Variants in DNAH14 observed in about 807,000 individuals in gnomAD.
DNAH14 encodes the protein dynein axonemal heavy chain 14.
In DNAH14, 478 loss-of-function variants were observed where a neutral mutation model predicts 520.9. That is an observed-to-expected ratio of 0.92 (90% CI 0.85 to 0.99). The LOEUF (loss-of-function observed/expected upper bound fraction) is 0.99. Ranked by LOEUF, DNAH14 falls within the 50% of genes least tolerant of loss-of-function variation. The pLI is 0.00. For missense variants in DNAH14, 4,831 were observed against 5,234.5 expected (o/e 0.92, Z 2.38); for synonymous variants, 1,581 against 1,757.2 (o/e 0.90, Z 2.51).
chr1:224,959,286 T>C (rs2489352), intron 3 of DNAH14, among the ~76,000 whole-genome samples: 39,717 of 151,914 alleles, frequency 0.26, 8,087 homozygotes, highest in African/African-American at 0.56. Flanking sequence ...CTCCTCCTCA[T>C]TACCCCACAA....
In DNAH14 at chr1:225,152,722, G is replaced by A. The variant is rs2080622743; in HGVS notation, c.5035G>A (p.Asp1679Asn). 6.5e-7 allele frequency: 1 copy of A among 1,550,264 alleles called. No individual in the cohort carries two copies. Among genetic ancestry groups the A allele is most frequent in the Admixed American group, 2.0e-5 (1 of 50,802 alleles). The change falls in exon 33 of 86, where the codon GAT becomes AAT. Residue 1679 changes from aspartate (D) to asparagine (N), a missense_variant. Asp to Asn is a conservative substitution (Grantham distance 23, BLOSUM62 1). Coordinates refer to ENST00000682510, the MANE Select transcript of DNAH14 (RefSeq NM_001367479.1). The stretch of plus-strand genomic sequence containing the variant: ...ATACGGAGGTGGAGTAGAGCTCCCA[G>A]ATAACTTAAAATCTCTGTTTCGCCC... ...PRYGGGVELP[D>N]NLKSLFRPVA... is the part of the protein sequence containing the mutation.
chr1:225,002,761 G>T, intron 8 of DNAH14, 22 bp from the exon 9 acceptor site: 1 of 1,545,046 alleles, frequency 6.5e-7, no homozygotes, highest in South Asian at 1.2e-5. Flanking sequence ...AGATATATCT[G>T]TAGAAATTTT....
At position 225,381,493 on chromosome 1, in the gene DNAH14, G is replaced by T; in HGVS notation, c.12991G>T (p.Ala4331Ser). The change falls in exon 81 of 86, where the codon GCT becomes TCT. Residue 4331 changes from alanine (A) to serine (S), a missense_variant. Physicochemically the swap from Ala to Ser is moderately conservative, Grantham distance 99. Transcript: ENST00000682510. The part of the protein sequence containing the change: ...IHKSLKDLQL[A>S]IKGEIILTQE... ...TAAATCCTTAAAAGATCTTCAGCTT[G>T]CTATAAAAGGAGAGATCATCCTCAC... 1.3e-6 allele frequency: 2 copies of T among 1,549,552 alleles called. No homozygotes were observed. Among genetic ancestry groups the T allele is most frequent in the South Asian group, 1.2e-5 (1 of 83,462 alleles).
chr1:225,086,529 A>G (rs780779374), intron 21 of DNAH14, among the ~76,000 whole-genome samples: 34 of 152,092 alleles, frequency 2.2e-4, no homozygotes, highest in Non-Finnish European at 5.9e-5. Context: ...ATACACACAC[A>G]TATATATACA....
chr1:225,031,102 T>G (rs1385454529), intron 11 of DNAH14, among the ~76,000 whole-genome samples: 1 of 152,098 alleles, frequency 6.6e-6, no homozygotes, highest in Non-Finnish European at 1.5e-5. Flanking sequence ...ATTTTTGTTT[T>G]AAACTACCTA....
At chr1:225,085,221 G>A (rs1433110421) in intron 20 of DNAH14, among the ~76,000 whole-genome samples, 1 of 152,044 alleles carries the variant, frequency 6.6e-6, no homozygotes, top group Non-Finnish European at 1.5e-5. Flanking sequence ...GTTGGCATTA[G>A]GGCAGAGGAA....
At chr1:225,322,052 C>G (rs1017054388) in intron 61 of DNAH14, among the ~76,000 whole-genome samples, 1 of 147,958 alleles carries the variant, frequency 6.8e-6, no homozygotes, top group African/African-American at 2.5e-5. Context: ...TTTTAAATAA[C>G]TCTACAGTGA....
intron 79 of DNAH14, among the ~76,000 whole-genome samples, chr1:225,377,770 C>G (rs1342367955): frequency 6.6e-6 from 1 of 151,970 alleles, no homozygotes; most frequent in Non-Finnish European, 1.5e-5. Context: ...TATTTAAGTT[C>G]TAATTTTTCA....
At chr1:224,994,635 C>G (rs2063277010) in intron 8 of DNAH14, among the ~76,000 whole-genome samples, 1 of 151,992 alleles carries the variant, frequency 6.6e-6, no homozygotes, top group Admixed American at 6.6e-5. Context: ...TATTTAGTCA[C>G]TTTTTATTGA....
intron 82 of DNAH14, 105 bp downstream of exon 82, chr1:225,388,596 G>A: frequency 1.6e-6 from 1 of 631,560 alleles, no homozygotes; most frequent in Non-Finnish European, 2.7e-6. Flanking sequence ...TCACAGTAAT[G>A]TGTGAATTAA....
chr1:225,347,545 G>C lies in DNAH14; in HGVS notation c.11296+891G>C, dbSNP rs936542330. Among the ~76,000 whole-genome samples the C allele has an allele frequency of 2.0e-5, 3 of 152,280 alleles. No individual in the cohort carries two copies. In the South Asian group the frequency reaches 6.2e-4, roughly 32 times the overall value. The stretch of plus-strand genomic sequence containing the variant: ...GGGGCCTCCCAAGGGACTAGTTTTT[G>C]TCTTGCCTGACTCAGAATATTGATA... On this transcript the variant is annotated intron_variant, in intron 71 of 85. Transcript: ENST00000682510.
chr1:225,246,521 C>T (rs2092291086), intron 43 of DNAH14, among the ~76,000 whole-genome samples: 1 of 152,050 alleles, frequency 6.6e-6, no homozygotes, highest in African/African-American at 2.4e-5. Flanking sequence ...GGAACTTAAA[C>T]AAATTTACCA....
At chr1:225,296,182 C>T (rs1475863250) in intron 55 of DNAH14, among the ~76,000 whole-genome samples, 1 of 152,016 alleles carries the variant, frequency 6.6e-6, no homozygotes, top group Non-Finnish European at 1.5e-5. Context: ...TCTTGTTTTT[C>T]ATCCATTCAG....
Position 225,152,684 on chromosome 1 carries a change from T to G in DNAH14, c.5010-13T>G, listed in dbSNP as rs1183981365. On this transcript the variant is annotated splice_polypyrimidine_tract_variant and intron_variant, in intron 32 of 85. Transcript: ENST00000682510. ...GTGGTGTTTTTATTGTTTGTTTTTCTTTTCCTCTTCAGATACGGAGGTGGA... is the reference window on the plus strand; with the variant it reads ...GTGGTGTTTTTATTGTTTGTTTTTCGTTTCCTCTTCAGATACGGAGGTGGA... 6.6e-7 allele frequency: 1 copy of G among 1,514,398 alleles called. No individual in the cohort carries two copies. The allele number at this position is 1,514,398 out of a possible 1,614,324, so 93.8% of individuals were successfully genotyped here. A position where few individuals can be genotyped will look rare whatever the true frequency, so the allele number is the denominator to read the frequency against.
At chr1:224,992,169 AG>A (rs2063103088) in intron 8 of DNAH14, among the ~76,000 whole-genome samples, 1 of 152,042 alleles carries the variant, frequency 6.6e-6, no homozygotes, top group Non-Finnish European at 1.5e-5. Flanking sequence ...AAAATTAGGT[AG>A]TTTGATGCCT....
rs189248951 is a variant in DNAH14, at chr1:225,224,350, C to T, written c.6440-6723C>T. Among the ~76,000 whole-genome samples the T allele has an allele frequency of 3.3e-3, 498 of 151,638 alleles. 1 individual carries two copies. The highest frequency in any genetic ancestry group is 0.01 in the Middle Eastern group (3 of 294). ...TGTTTTCCCTACTAAGCATTCCCCA[C>T]CAGGATTAGTAGGACAGATAGCCCC... On this transcript the variant is annotated intron_variant, in intron 41 of 85. Transcript: ENST00000682510.
intron 41 of DNAH14, among the ~76,000 whole-genome samples, chr1:225,220,552 A>G (rs2089945850): frequency 6.6e-6 from 1 of 152,198 alleles, no homozygotes; most frequent in South Asian, 2.1e-4. Flanking sequence ...CTTATTGACA[A>G]TTGCTACAAA....
chr1:225,000,778 T>C (rs1394152685), intron 8 of DNAH14, among the ~76,000 whole-genome samples: 1 of 142,716 alleles, frequency 7.0e-6, no homozygotes, highest in African/African-American at 3.0e-5. Context: ...CATTCTGTCA[T>C]TGAGTTCAGC....
chr1:225,085,904 A>G (rs1359546829), intron 21 of DNAH14, 115 bp downstream of exon 21: 18 of 1,054,390 alleles, frequency 1.7e-5, no homozygotes, highest in African/African-American at 9.9e-5. Context: ...ATATACTTAT[A>G]TAAAAATTAC....
Sources: allele counts gnomAD v4.1 joint callset (sites outside exome capture counted in the v4.1 genomes callset), GRCh38; gene constraint gnomAD v4.1.1; transcripts MANE v1.5; gene names NCBI Gene and HGNC (gene_info 2026-07-23, HGNC 2026-07-21).